NOS1AP: variants seen among roughly 807,000 people sequenced by gnomAD.
NOS1AP encodes carboxyl-terminal PDZ ligand of neuronal nitric oxide synthase protein.
Under a neutral mutation model 56.2 loss-of-function variants are expected in NOS1AP, and 21 were observed. The ratio of observed to expected loss-of-function variants is 0.37; its 90% CI spans 0.26 to 0.54. NOS1AP has a LOEUF of 0.54. Ranked by LOEUF, NOS1AP falls within the 20% of genes least tolerant of loss-of-function variation. NOS1AP has a pLI of 0.84. For missense variants in NOS1AP, 522 were observed against 657.8 expected (o/e 0.79, Z 2.26); for synonymous variants, 270 against 274.6 (o/e 0.98, Z 0.17).
chr1:162,321,737 T>A (rs1271777028), intron 4 of NOS1AP, among the ~76,000 whole-genome samples: 11 of 145,206 alleles, frequency 7.6e-5, no homozygotes, highest in African/African-American at 2.3e-4. Context: ...AAAAAATATA[T>A]ATATATATAT....
intron 2 of NOS1AP, among the ~76,000 whole-genome samples, chr1:162,284,201 G>A (rs1655021474): frequency 6.6e-6 from 1 of 152,224 alleles, no homozygotes; most frequent in Admixed American, 6.5e-5. Flanking sequence ...ATAACATGTT[G>A]TCCAAGCAAA....
At chr1:162,144,966 A>G (rs538431990) in intron 1 of NOS1AP, among the ~76,000 whole-genome samples, 1 of 152,324 alleles carries the variant, frequency 6.6e-6, no homozygotes, top group South Asian at 2.1e-4. Flanking sequence ...ATTGCATGGC[A>G]TTAGCATAAA....
intron 5 of NOS1AP, among the ~76,000 whole-genome samples, chr1:162,336,888 C>T (rs190274982): frequency 6.6e-6 from 1 of 152,242 alleles, no homozygotes; most frequent in East Asian, 1.9e-4. Flanking sequence ...TGGAGGGACC[C>T]TAGCACTCTT....
At chr1:162,340,230 T>G (rs556509218) in intron 5 of NOS1AP, among the ~76,000 whole-genome samples, 2 of 152,332 alleles carry the variant, frequency 1.3e-5, no homozygotes, top group South Asian at 4.2e-4. Context: ...TTAAACCATT[T>G]AATTTATTAA....
chr1:162,245,586 A>G (rs1053279533), intron 2 of NOS1AP, among the ~76,000 whole-genome samples: 6 of 152,258 alleles, frequency 3.9e-5, no homozygotes, highest in African/African-American at 1.2e-4. Context: ...GCGCTTGTAC[A>G]TGAACCTTCA....
intron 2 of NOS1AP, among the ~76,000 whole-genome samples, chr1:162,172,422 T>G (rs1247208809): frequency 2.6e-5 from 4 of 152,170 alleles, no homozygotes; most frequent in African/African-American, 9.7e-5. Flanking sequence ...GCTATCCCAG[T>G]CTGGAGTGGG....
chr1:162,278,074 C>T (rs1055406628), intron 2 of NOS1AP, among the ~76,000 whole-genome samples: 1 of 152,194 alleles, frequency 6.6e-6, no homozygotes, highest in Non-Finnish European at 1.5e-5. Context: ...AGAACTTTCC[C>T]CATCTGTCTG....
intron 2 of NOS1AP, among the ~76,000 whole-genome samples, chr1:162,260,117 A>G (rs1407415971): frequency 6.6e-6 from 1 of 152,066 alleles, no homozygotes; most frequent in East Asian, 1.9e-4. Flanking sequence ...AGGCAGTGAT[A>G]GAGCCCAGCT....
chr1:162,138,787 G>T (rs533412596), intron 1 of NOS1AP, among the ~76,000 whole-genome samples: 2 of 152,318 alleles, frequency 1.3e-5, no homozygotes, highest in South Asian at 2.1e-4. Flanking sequence ...CCCCTAGTGT[G>T]CCAGGGGTGT....
intron 4 of NOS1AP, among the ~76,000 whole-genome samples, chr1:162,310,337 G>A (rs1323841600): frequency 1.3e-5 from 2 of 152,222 alleles, no homozygotes; most frequent in African/African-American, 4.8e-5. Context: ...GTAAGGTTGA[G>A]TGTTTTCTCT....
At chr1:162,321,465 A>G (rs963529203) in intron 4 of NOS1AP, among the ~76,000 whole-genome samples, 4 of 152,120 alleles carry the variant, frequency 2.6e-5, no homozygotes, top group Non-Finnish European at 5.9e-5. Flanking sequence ...AAACTATCGC[A>G]AGGACAGAAA....
intron 2 of NOS1AP, among the ~76,000 whole-genome samples, chr1:162,232,699 C>T (rs1653161293): frequency 6.6e-6 from 1 of 152,194 alleles, no homozygotes; most frequent in South Asian, 2.1e-4. Flanking sequence ...GGTGAAAGTA[C>T]ATGAGACCAA....
At position 162,355,218 on chromosome 1, in the gene NOS1AP, C is replaced by T. The variant is rs769365954; in HGVS notation, c.627C>T (p.Ser209=). The T allele has an allele frequency of 3.1e-6, 5 of 1,614,026 alleles. No homozygotes were observed. The highest frequency in any genetic ancestry group is 1.1e-5 in the South Asian group (1 of 91,084). The change falls in exon 7 of 10, where the codon TCC becomes TCT. Residue 209 remains serine (S), a synonymous_variant. Coordinates refer to ENST00000361897, the MANE Select transcript of NOS1AP (RefSeq NM_014697.3). ...AGCTCACTGGAGCCGAGAGGGCCTC[C>T]ACGGCCACTGCAGAGGAGACTGACA... is the stretch of plus-strand genomic sequence containing the variant. The part of the protein sequence containing the change: ...GRQLTGAERA[S]TATAEETDID...
intron 1 of NOS1AP, among the ~76,000 whole-genome samples, chr1:162,094,240 G>C (rs1056783374): frequency 6.6e-6 from 1 of 152,150 alleles, no homozygotes; most frequent in Non-Finnish European, 1.5e-5. Flanking sequence ...TTGTGTGCTG[G>C]AGTGGTCTTC....
chr1:162,138,875 G>T (rs998420984), intron 1 of NOS1AP, among the ~76,000 whole-genome samples: 1 of 152,162 alleles, frequency 6.6e-6, no homozygotes, highest in South Asian at 2.1e-4. Context: ...CAGAGCAGGG[G>T]TTCACACAGG....
At position 162,070,378 on chromosome 1, in the gene NOS1AP, CG is replaced by C. The variant is rs916510510; in HGVS notation, c.105+99del. On this transcript the variant is annotated intron_variant, in intron 1 of 9. Coordinates refer to ENST00000361897, the MANE Select transcript of NOS1AP (RefSeq NM_014697.3). ...ACAGCCGTCCTGGACCCAGAGCTGGCGGGCTAGGCCGATTTGGGGGCCTTTC... is the reference window on the plus strand; with the variant it reads ...ACAGCCGTCCTGGACCCAGAGCTGGCGGCTAGGCCGATTTGGGGGCCTTTC... 5 of 1,008,924 alleles carry C rather than the reference CG, an allele frequency of 5.0e-6. No individual in the cohort carries two copies. In the African/African-American group the frequency reaches 8.0e-5, roughly 16 times the overall value. The allele number at this position is 1,008,924 out of a possible 1,614,324, so 62.5% of individuals were successfully genotyped here.
chr1:162,167,535 C>T (rs1344576758), intron 2 of NOS1AP, among the ~76,000 whole-genome samples: 1 of 152,192 alleles, frequency 6.6e-6, no homozygotes, highest in East Asian at 1.9e-4. Flanking sequence ...AACATAATCG[C>T]CTGGCCCTGG....
intron 4 of NOS1AP, among the ~76,000 whole-genome samples, chr1:162,312,979 T>A (rs980735741): frequency 6.6e-6 from 1 of 151,900 alleles, no homozygotes; most frequent in African/African-American, 2.4e-5. Context: ...TGGGACGTAT[T>A]TCAAAATAAT....
chr1:162,167,411 C>T (rs1465144115), intron 2 of NOS1AP, among the ~76,000 whole-genome samples: 1 of 152,244 alleles, frequency 6.6e-6, no homozygotes, highest in Non-Finnish European at 1.5e-5. Flanking sequence ...CTCTCCTCAG[C>T]TGCCTGAGCC....
Sources: allele counts gnomAD v4.1 joint callset (sites outside exome capture counted in the v4.1 genomes callset), GRCh38; gene constraint gnomAD v4.1.1; transcripts MANE v1.5; gene names NCBI Gene and HGNC (gene_info 2026-07-23, HGNC 2026-07-21).